The following NBEA variants were observed in gnomAD, a reference collection of about 807,000 sequenced individuals.
NBEA encodes the protein neurobeachin, also known as lysosomal-trafficking regulator 2.
Under a neutral mutation model 343.4 loss-of-function variants are expected in NBEA, and 44 were observed. The ratio of observed to expected loss-of-function variants is 0.13; its 90% confidence interval spans 0.10 to 0.16. The LOEUF is 0.16. Ranked by LOEUF, NBEA falls within the 10% of genes least tolerant of loss-of-function variation. NBEA has a pLI of 1.00. For synonymous variants in NBEA, 1,175 were observed against 1,238.7 expected, an observed-to-expected ratio of 0.95 and a Z score of 1.08; for missense variants, 2,555 against 3,631.3, an observed-to-expected ratio of 0.70 and a Z score of 7.62.
At chr13:35,594,743 G>T (rs1395595222) in intron 47 of NBEA, among the ~76,000 whole-genome samples, 1 of 151,968 alleles carries the variant, frequency 6.6e-6, no homozygotes, top group East Asian at 1.9e-4. Context: ...GGAGTCCATA[G>T]GCTCCCATTG....
chr13:35,228,491 A>C (rs2074789582), intron 33 of NBEA, among the ~76,000 whole-genome samples: 1 of 151,914 alleles, frequency 6.6e-6, no homozygotes, highest in Non-Finnish European at 1.5e-5. Context: ...AATAATGTAC[A>C]TGATACCCAT....
At chr13:35,135,485 G>T (rs2067665088) in intron 17 of NBEA, among the ~76,000 whole-genome samples, 6 of 152,134 alleles carry the variant, frequency 3.9e-5, no homozygotes, top group Non-Finnish European at 7.4e-5. Context: ...GGAGAGCTAT[G>T]CTGTGTACAT....
At chr13:35,471,711 G>A (rs1218566808) in intron 40 of NBEA, among the ~76,000 whole-genome samples, 1 of 152,102 alleles carries the variant, frequency 6.6e-6, no homozygotes, top group East Asian at 1.9e-4. Context: ...ACTTTCGCAC[G>A]GTTTTTTGAG....
At chr13:35,494,438 G>T (rs996172950) in intron 41 of NBEA, among the ~76,000 whole-genome samples, 9 of 151,970 alleles carry the variant, frequency 5.9e-5, no homozygotes, top group African/African-American at 2.2e-4. Context: ...AGATGTATTA[G>T]GTTGGTGCAA....
At chr13:35,475,887 C>A in intron 41 of NBEA, 2 of 1,614,080 alleles carry the variant, frequency 1.2e-6, no homozygotes, top group Non-Finnish European at 1.7e-6. Context: ...AGTTGAACAC[C>A]CCCATTTGGT....
rs962732209 is a variant in NBEA, at chr13:35,459,009, C to A, written c.6448+6774C>A. Reference sequence around the variant, plus strand: ...AGTTTATATTTCTTTACCACCGCCCCCCCCCCCCCACACACACACACACAC... The same window carrying A: ...AGTTTATATTTCTTTACCACCGCCCACCCCCCCCCACACACACACACACAC... On this transcript the variant is annotated intron_variant, in intron 40 of 58. Coordinates refer to ENST00000379939, the MANE Select transcript of NBEA (RefSeq NM_001385012.1). 3.8e-5 allele frequency among the ~76,000 whole-genome samples: 4 copies of A among 106,312 alleles called. 1 individual carries two copies. The highest frequency in any genetic ancestry group is 3.5e-4 in the Admixed American group (4 of 11,314). 69.7% of individuals were successfully genotyped at this position (106,312 alleles called of 152,430 possible).
At chr13:35,033,909 CT>C (rs1199504807) in intron 1 of NBEA, among the ~76,000 whole-genome samples, 4 of 151,370 alleles carry the variant, frequency 2.6e-5, no homozygotes, top group Middle Eastern at 3.2e-3. Flanking sequence ...CTTGTGAAAT[CT>C]TTAGGTTTTT....
intron 40 of NBEA, 21 bp from the exon 41 acceptor site, chr13:35,472,379 C>A (rs2075691190): frequency 1.2e-6 from 2 of 1,610,282 alleles, no homozygotes; most frequent in Non-Finnish European, 1.7e-6. Context: ...CAGCCTGACT[C>A]CCCTTGTCCT....
intron 1 of NBEA, among the ~76,000 whole-genome samples, chr13:35,021,863 T>C (rs2152541865): frequency 6.6e-6 from 1 of 152,298 alleles, no homozygotes; most frequent in South Asian, 2.1e-4. Context: ...AGTTATGTTT[T>C]AAAGAGATTT....
chr13:35,422,999 G>GT (rs1472870315), intron 38 of NBEA, among the ~76,000 whole-genome samples: 1 of 152,064 alleles, frequency 6.6e-6, no homozygotes, highest in Middle Eastern at 3.4e-3. Context: ...GGGGTTGTTT[G>GT]TTTTTTTCTT....
intron 41 of NBEA, among the ~76,000 whole-genome samples, chr13:35,508,345 TTTGAGGAGTTTACATTTTACTGACAAACA>T (rs1157242400): frequency 1.3e-5 from 2 of 152,148 alleles, no homozygotes; most frequent in Non-Finnish European, 2.9e-5. Flanking sequence ...ATAAGCCATA[TTTGAGGAGTTTACATTTTACTGACAAACA>T]TTGGGAAGGT....
intron 40 of NBEA, among the ~76,000 whole-genome samples, chr13:35,457,253 T>C (rs2046632356): frequency 6.6e-6 from 1 of 152,188 alleles, no homozygotes; most frequent in South Asian, 2.1e-4. Context: ...GTTAGCATTT[T>C]TTTTTGGAAA....
chr13:35,144,037 G>A (rs2068257941), intron 18 of NBEA, among the ~76,000 whole-genome samples: 1 of 152,158 alleles, frequency 6.6e-6, no homozygotes, highest in African/African-American at 2.4e-5. Context: ...TAAATGATGG[G>A]GGAAAAAGTG....
intron 17 of NBEA, among the ~76,000 whole-genome samples, chr13:35,124,202 A>G (rs1394293014): frequency 7.1e-6 from 1 of 141,522 alleles, no homozygotes; most frequent in African/African-American, 2.8e-5. Flanking sequence ...GTGCAACTAT[A>G]ATTTAAATGT....
intron 45 of NBEA, among the ~76,000 whole-genome samples, chr13:35,580,729 C>T (rs2080986185): frequency 6.6e-6 from 1 of 152,114 alleles, no homozygotes; most frequent in African/African-American, 2.4e-5. Flanking sequence ...CATTATGTTT[C>T]ATAAAAGTAA....
At chr13:35,608,596 G>C (rs984804250) in intron 48 of NBEA, among the ~76,000 whole-genome samples, 1 of 152,156 alleles carries the variant, frequency 6.6e-6, no homozygotes, top group Non-Finnish European at 1.5e-5. Context: ...ATATTTCTGA[G>C]TGAATGAATG....
At chr13:35,037,731 G>T (rs1369778988) in intron 1 of NBEA, among the ~76,000 whole-genome samples, 4 of 152,160 alleles carry the variant, frequency 2.6e-5, no homozygotes, top group African/African-American at 4.8e-5. Flanking sequence ...GCTGGGGCTG[G>T]TATGACGTAT....
chr13:35,225,659 T>A (rs2074612636), intron 33 of NBEA, among the ~76,000 whole-genome samples: 1 of 152,150 alleles, frequency 6.6e-6, no homozygotes, highest in Non-Finnish European at 1.5e-5. Context: ...AGTTCACACA[T>A]GGACTTCAGA....
At chr13:35,254,367 AGGCTGGAGTGCAGTGGCAT>A (rs1260519686) in intron 34 of NBEA, among the ~76,000 whole-genome samples, 1 of 147,312 alleles carries the variant, frequency 6.8e-6, no homozygotes, top group Non-Finnish European at 1.5e-5. Flanking sequence ...CTCTGTTAAC[AGGCTGGAGTGCAGTGGCAT>A]GATCACAGAT....
Sources: allele counts gnomAD v4.1 joint callset (sites outside exome capture counted in the v4.1 genomes callset), GRCh38; gene constraint gnomAD v4.1.1; transcripts MANE v1.5; gene names NCBI Gene and HGNC (gene_info 2026-07-23, HGNC 2026-07-21).